Variants in PRH1 observed in about 807,000 individuals in gnomAD.
PRH1 encodes proline rich protein HaeIII subfamily 1, also known as salivary acidic proline-rich phosphoprotein 1/2.
A neutral mutation model predicts 7.9 loss-of-function variants in PRH1; 7 were observed. The ratio of observed to expected loss-of-function variants is 0.89; its 90% confidence interval spans 0.50 to 1.67. PRH1 has a LOEUF of 1.67. Among genes scored for constraint, PRH1 ranks in the 40% most tolerant of loss-of-function variants. The pLI, the probability that PRH1 is intolerant of heterozygous loss-of-function variation, is 0.00. For missense variants in PRH1, 109 were observed against 223.6 expected (o/e 0.49, Z 3.27); for synonymous variants, 45 against 80.8 (o/e 0.56, Z 2.38).
chr12:11,104,743 G>A (rs949974286), intron 1 of PRH1, among the ~76,000 whole-genome samples: 6 of 150,162 alleles, frequency 4.0e-5, no homozygotes, highest in African/African-American at 1.2e-4. Flanking sequence ...ATACTCAGCC[G>A]AAATGATGGC....
At chr12:11,047,330 T>C, upstream of PRH1, 1 of 209,502 alleles carries the variant, frequency 4.8e-6, no homozygotes, top group Non-Finnish European at 1.0e-5. Context: ...ATTTGCAGAA[T>C]GTTTCATTCA....
At chr12:11,132,626 C>T (rs1352710497) in intron 1 of PRH1, among the ~76,000 whole-genome samples, 2 of 152,276 alleles carry the variant, frequency 1.3e-5, no homozygotes, top group Non-Finnish European at 2.9e-5. Flanking sequence ...AAGCTATTCA[C>T]ATACTTGTAT....
chr12:11,079,618 G>A lies in PRH1; in HGVS notation n.124-32430C>T, dbSNP rs780729521. The stretch of plus-strand genomic sequence containing the variant: ...ATAAAGGCACTCTGCTAAACCAAGA[G>A]TATGGGAAACATGTCCACCCTTGTT... On this transcript the variant is annotated intron_variant and non_coding_transcript_variant, in intron 1 of 4. Transcript: ENST00000541977. 1.8e-4 allele frequency among the ~76,000 whole-genome samples: 21 copies of A among 117,846 alleles called. 5 individuals are homozygous for A. Among genetic ancestry groups the A allele is most frequent in the Non-Finnish European group, 4.2e-4 (21 of 49,592 alleles). 77.3% of individuals were successfully genotyped at this position (117,846 alleles called of 152,430 possible). A position where few individuals can be genotyped will look rare whatever the true frequency, so the allele number is the denominator to read the frequency against.
At chr12:10,977,136 T>A (rs1408365966) in intron 1 of PRH1, among the ~76,000 whole-genome samples, 1 of 152,026 alleles carries the variant, frequency 6.6e-6, no homozygotes, top group Non-Finnish European at 1.5e-5. Flanking sequence ...CAGACCAATA[T>A]CCTTAATAAA....
chr12:11,113,252 C>T (rs2600344), intron 1 of PRH1, among the ~76,000 whole-genome samples: 69,172 of 151,980 alleles, frequency 0.46, 16,551 homozygotes, highest in Non-Finnish European at 0.53. Context: ...GCCCGTGTAG[C>T]CAAGACAATC....
At chr12:10,987,027 T>C (rs1939678114) in intron 1 of PRH1, 2 of 466,076 alleles carry the variant, frequency 4.3e-6, no homozygotes, top group South Asian at 6.3e-5. Context: ...TACCAGCTTA[T>C]GCTAATGGAT....
intron 1 of PRH1, among the ~76,000 whole-genome samples, chr12:11,136,903 T>C (rs1373084788): frequency 6.6e-6 from 1 of 151,990 alleles, no homozygotes; most frequent in African/African-American, 2.4e-5. Context: ...TCACAAGTTC[T>C]TTAAAAAGGA....
At chr12:10,911,080 T>C (rs1949892903) in intron 2 of PRH1, among the ~76,000 whole-genome samples, 1 of 152,256 alleles carries the variant, frequency 6.6e-6, no homozygotes, top group Non-Finnish European at 1.5e-5. Context: ...AATATGTAGC[T>C]ATGTGGCATG....
At chr12:10,961,735 G>A (rs964476034) in intron 2 of PRH1, among the ~76,000 whole-genome samples, 9 of 152,198 alleles carry the variant, frequency 5.9e-5, no homozygotes, top group Non-Finnish European at 1.3e-4. Flanking sequence ...TGGTAGTTCC[G>A]CCTCAGGGAA....
chr12:10,989,633 C>G (rs1171241144), intron 1 of PRH1, among the ~76,000 whole-genome samples: 2 of 152,140 alleles, frequency 1.3e-5, no homozygotes. Flanking sequence ...CCACTTTATA[C>G]AGTCAAAATT....
intron 2 of PRH1, among the ~76,000 whole-genome samples, chr12:10,949,279 T>C (rs567370708): frequency 1.6e-4 from 25 of 152,174 alleles, no homozygotes; most frequent in Non-Finnish European, 1.5e-4. Flanking sequence ...GTGGGACCCA[T>C]GGAAGTCTAA....
intron 1 of PRH1, among the ~76,000 whole-genome samples, chr12:11,001,163 T>A (rs1276756640): frequency 2.6e-5 from 4 of 152,118 alleles, no homozygotes; most frequent in African/African-American, 9.6e-5. Flanking sequence ...CTTTTTTTTT[T>A]AGGGGGGGAT....
At chr12:10,953,980 G>C (rs1937821951) in intron 2 of PRH1, among the ~76,000 whole-genome samples, 1 of 152,094 alleles carries the variant, frequency 6.6e-6, no homozygotes, top group African/African-American at 2.4e-5. Flanking sequence ...GAAAAAGAAT[G>C]TCCGACCAAG....
chr12:11,062,210 A>T lies in PRH1; in HGVS notation n.124-15022T>A, dbSNP rs777802835. 6.2e-7 allele frequency: 1 copy of T among 1,613,430 alleles called. No homozygotes were observed. The highest frequency in any genetic ancestry group is 8.5e-7 in the Non-Finnish European group (1 of 1,179,624). Reference sequence around the variant, plus strand: ...TTGAACCACTCAATGGAATTTACCAATGCTATGAAGCCATTAGCAAAATTT... The same window carrying T: ...TTGAACCACTCAATGGAATTTACCATTGCTATGAAGCCATTAGCAAAATTT... On this transcript the variant is annotated intron_variant and non_coding_transcript_variant, in intron 1 of 4. Coordinates refer to the PRH1 transcript ENST00000541977.
chr12:10,897,076 C>T (rs1160606898), intron 2 of PRH1: 1 of 152,104 alleles, frequency 6.6e-6, no homozygotes, highest in Non-Finnish European at 1.5e-5. Flanking sequence ...GCTCATTATC[C>T]CACGTGAGCC....
intron 2 of PRH1, among the ~76,000 whole-genome samples, chr12:10,951,871 A>G (rs983288145): frequency 6.6e-6 from 1 of 152,160 alleles, no homozygotes; most frequent in African/African-American, 2.4e-5. Flanking sequence ...TCAGTCTCCA[A>G]TGTTGGGTTT....
intron 1 of PRH1, among the ~76,000 whole-genome samples, chr12:11,163,460 G>A (rs972704729): frequency 8.5e-5 from 13 of 152,108 alleles, no homozygotes; most frequent in Non-Finnish European, 1.5e-4. Flanking sequence ...ATCTCCAGAA[G>A]GATATATGCT....
At chr12:11,119,246 C>T (rs1945821400), downstream of PRH1, among the ~76,000 whole-genome samples, 1 of 150,996 alleles carries the variant, frequency 6.6e-6, no homozygotes, top group Non-Finnish European at 1.5e-5. Flanking sequence ...ATAGAGAGTA[C>T]ATAGATGGTT....
chr12:10,987,907 G>A lies in PRH1; in HGVS notation c.-125-14186C>T, dbSNP rs779146607. ...GGTTGATTATCTGTCCCCTGGACTC[G>A]GAGCTCACTCACACAACTTTCTTTG... On this transcript the variant is annotated intron_variant, in intron 1 of 3. Coordinates refer to the PRH1 transcript ENST00000539853. Among the ~76,000 whole-genome samples the A allele has an allele frequency of 9.6e-4, 146 of 152,116 alleles. 2 individuals are homozygous for A. In the Middle Eastern group the frequency reaches 0.014, roughly 14 times the overall value.
Sources: allele counts gnomAD v4.1 joint callset (sites outside exome capture counted in the v4.1 genomes callset), GRCh38; gene constraint gnomAD v4.1.1; transcripts MANE v1.5; gene names NCBI Gene and HGNC (gene_info 2026-07-23, HGNC 2026-07-21).